Variants in HSD17B7 observed in about 807,000 individuals in gnomAD.
HSD17B7 encodes the protein 3-keto-steroid reductase/17-beta-hydroxysteroid dehydrogenase 7.
HSD17B7 carries 17 observed loss-of-function variants against 34.1 expected under a neutral mutation model. The ratio of observed to expected loss-of-function variants is 0.50; its 90% CI spans 0.34 to 0.75. The LOEUF is 0.75. Ranked by LOEUF, HSD17B7 falls within the 30% of genes least tolerant of loss-of-function variation. The pLI is 0.01. For synonymous variants in HSD17B7, 122 were observed against 154.6 expected (o/e 0.79, Z 1.56); for missense variants, 296 against 406.6 (o/e 0.73, Z 2.34).
At chr1:162,801,450 G>A (rs575717693) in intron 5 of HSD17B7, among the ~76,000 whole-genome samples, 1 of 152,274 alleles carries the variant, frequency 6.6e-6, no homozygotes, top group East Asian at 1.9e-4. Context: ...GACTGAGGGG[G>A]ATCTGTATGA....
intron 4 of HSD17B7, among the ~76,000 whole-genome samples, chr1:162,799,148 TTA>T (rs1391280464): frequency 2.0e-4 from 3 of 14,970 alleles, no homozygotes; most frequent in African/African-American, 5.4e-4. Context: ...ATTTATGTCT[TTA>T]ATTCAGTCGT....
intron 3 of HSD17B7, 85 bp from the exon 4 acceptor site, chr1:162,797,717 T>C: frequency 6.5e-7 from 1 of 1,540,810 alleles, no homozygotes. Context: ...AGTTTATGGG[T>C]CGGGGGGATG....
At chr1:162,799,959 C>A (rs374197016) in intron 5 of HSD17B7, 22 bp downstream of exon 5, 4 of 1,606,728 alleles carry the variant, frequency 2.5e-6, no homozygotes, top group Non-Finnish European at 3.4e-6. Context: ...CTCAGTGATA[C>A]GGAAATGGCA....
At chr1:162,798,926 G>A (rs1312234488) in intron 4 of HSD17B7, 3 of 296,416 alleles carry the variant, frequency 1.0e-5, no homozygotes, top group Admixed American at 3.6e-5. Context: ...CCCGGGAAGC[G>A]GAAGTTGTGG....
intron 1 of HSD17B7, among the ~76,000 whole-genome samples, chr1:162,791,704 C>T (rs1648412710): frequency 1.3e-5 from 2 of 150,586 alleles, no homozygotes; most frequent in South Asian, 4.2e-4. Flanking sequence ...GTGGAAGGTA[C>T]TGAGTAAGTC....
chr1:162,790,859 G>A, intron 1 of HSD17B7, 24 bp downstream of exon 1: 2 of 1,612,412 alleles, frequency 1.2e-6, no homozygotes, highest in Non-Finnish European at 1.7e-6. Flanking sequence ...TGGGTTGGCA[G>A]AGGCGGCAGC....
At chr1:162,795,962 A>C (rs188808454) in intron 2 of HSD17B7, among the ~76,000 whole-genome samples, 4 of 152,318 alleles carry the variant, frequency 2.6e-5, no homozygotes, top group Admixed American at 2.6e-4. Context: ...GAGCCCAACA[A>C]GATTACCTTA....
chr1:162,797,972 C>T lies in HSD17B7; in HGVS notation c.447+56C>T, dbSNP rs1336316189. ...ATTTCGTGTGATAGTTTCTGTAAAG[C>T]TCTGGGCACAGGGCATTATTATAGT... On this transcript the variant is annotated intron_variant, in intron 4 of 8. Coordinates refer to ENST00000254521, the MANE Select transcript of HSD17B7 (RefSeq NM_016371.4). 8.2e-6 allele frequency: 13 copies of T among 1,592,984 alleles called. No homozygotes were observed. The East Asian group carries it at 2.9e-4, about 36-fold the overall frequency.
At chr1:162,812,208 T>C in intron 8 of HSD17B7, 90 bp from the exon 9 acceptor site, 4 of 1,456,986 alleles carry the variant, frequency 2.7e-6, no homozygotes, top group Non-Finnish European at 3.7e-6. Context: ...CCTTTCTTTT[T>C]ATTTCATATA....
chr1:162,808,877 A>G (rs999856074), intron 8 of HSD17B7, among the ~76,000 whole-genome samples: 9 of 152,158 alleles, frequency 5.9e-5, no homozygotes, highest in African/African-American at 1.4e-4. Context: ...GGCTGAGACA[A>G]TGGGGTTTTC....
chr1:162,806,528 T>C (rs1648985477), intron 8 of HSD17B7, among the ~76,000 whole-genome samples: 1 of 152,208 alleles, frequency 6.6e-6, no homozygotes, highest in African/African-American at 2.4e-5. Flanking sequence ...TTGTACAGCA[T>C]ACATCAGCAA....
chr1:162,794,726 A>G (rs916802266), intron 2 of HSD17B7, among the ~76,000 whole-genome samples: 1 of 151,950 alleles, frequency 6.6e-6, no homozygotes. Context: ...ATATTTTCTT[A>G]TTTGGAAGAA....
In HSD17B7 at chr1:162,803,438, A is replaced by C. The variant is rs1648880224; in HGVS notation, c.650A>C (p.Tyr217Ser). 6.2e-7 allele frequency: 1 copy of C among 1,612,500 alleles called. No individual in the cohort carries two copies. Among genetic ancestry groups the C allele is most frequent in the African/African-American group, 1.3e-5 (1 of 74,838 alleles). ...ACACCTCTCTGTTCCTAGGGTCTCTATTCCAATGTGGCCTGTCCAGGTACA... is the reference window on the plus strand; with the variant it reads ...ACACCTCTCTGTTCCTAGGGTCTCTCTTCCAATGTGGCCTGTCCAGGTACA... ...LNRNFNQQGL[Y>S]SNVACPGTAL... Residue 217 changes from tyrosine (Y) to serine (S), a missense_variant, in exon 6 of 9, where the codon TAT (tyrosine) becomes TCT (serine). Tyr to Ser is a moderately radical substitution (Grantham distance 144). Coordinates refer to ENST00000254521, the MANE Select transcript of HSD17B7 (RefSeq NM_016371.4).
At chr1:162,805,301 G>A (rs1648942202) in intron 7 of HSD17B7, 93 bp from the exon 8 acceptor site, 1 of 1,484,716 alleles carries the variant, frequency 6.7e-7, no homozygotes, top group Admixed American at 2.4e-5. Context: ...TAATTTGTCT[G>A]GGGAGCTCTA....
At position 162,805,408 on chromosome 1, in the gene HSD17B7, C is replaced by A. The variant is rs768483707; in HGVS notation, c.819C>A (p.His273Gln). 3.1e-6 allele frequency: 5 copies of A among 1,612,828 alleles called. No individual in the cohort carries two copies. Among genetic ancestry groups the A allele is most frequent in the Non-Finnish European group, 4.2e-6 (5 of 1,179,258 alleles). The change falls in exon 8 of 9, where the codon CAC becomes CAA. Residue 273 changes from histidine to glutamine, a missense_variant. Coordinates refer to ENST00000254521, the MANE Select transcript of HSD17B7 (RefSeq NM_016371.4). ...TTCCTTTCCAGGTATGGCTTTTCCA[C>A]CAAAAGCCTGAATCTCTCAATCCTC... ...NGTEALVWLF[H>Q]QKPESLNPLI...
chr1:162,808,533 C>A (rs1015882352), intron 8 of HSD17B7, among the ~76,000 whole-genome samples: 8 of 152,164 alleles, frequency 5.3e-5, no homozygotes, highest in Non-Finnish European at 7.3e-5. Context: ...ATGGGGATGG[C>A]ATTGAATCTA....
intron 3 of HSD17B7, 86 bp from the exon 4 acceptor site, chr1:162,797,716 G>C (rs995988753): frequency 5.5e-5 from 85 of 1,540,794 alleles, no homozygotes; most frequent in Non-Finnish European, 7.2e-5. Context: ...TAGTTTATGG[G>C]TCGGGGGGAT....
intron 8 of HSD17B7, among the ~76,000 whole-genome samples, chr1:162,806,352 C>T (rs1648981208): frequency 6.6e-6 from 1 of 152,108 alleles, no homozygotes; most frequent in African/African-American, 2.4e-5. Context: ...AAAGGGGAGC[C>T]ATGCACTTGG....
chr1:162,807,624 C>T (rs1346237329), intron 8 of HSD17B7, among the ~76,000 whole-genome samples: 2 of 152,150 alleles, frequency 1.3e-5, no homozygotes, highest in Admixed American at 6.5e-5. Flanking sequence ...TCCACATCCT[C>T]TCCAGCACCT....
Sources: allele counts gnomAD v4.1 joint callset (sites outside exome capture counted in the v4.1 genomes callset), GRCh38; gene constraint gnomAD v4.1.1; transcripts MANE v1.5; gene names NCBI Gene and HGNC (gene_info 2026-07-23, HGNC 2026-07-21).